NFIB: variants seen among roughly 807,000 people sequenced by gnomAD.
The protein encoded by NFIB is nuclear factor I B.
NFIB carries 11 observed loss-of-function variants against 61.5 expected under a neutral mutation model. The observed-to-expected ratio is 0.18, with a 90% confidence interval of 0.11 to 0.30. The LOEUF is 0.30. Among genes scored for constraint, NFIB ranks in the 10% least tolerant of loss-of-function variants. NFIB has a pLI of 1.00. For missense variants in NFIB, 471 were observed against 608.9 expected, an observed-to-expected ratio of 0.77 and a Z score of 2.38; for synonymous variants, 260 against 216.5, an observed-to-expected ratio of 1.20 and a Z score of -1.76.
chr9:14,163,599 C>T (rs1417180933), intron 3 of NFIB, among the ~76,000 whole-genome samples: 2 of 151,782 alleles, frequency 1.3e-5, no homozygotes, highest in South Asian at 4.1e-4. Flanking sequence ...ACCCCACATG[C>T]ACCAAAAAAT....
At chr9:14,528,956 G>A in the NFIB span, among the ~76,000 whole-genome samples, 1 of 152,094 alleles carries the variant, frequency 6.6e-6, no homozygotes, top group Admixed American at 6.5e-5. Flanking sequence ...ATATAGCCAA[G>A]CAACGGTAAT....
chr9:14,521,221 C>T, the NFIB span, among the ~76,000 whole-genome samples: 1 of 152,154 alleles, frequency 6.6e-6, no homozygotes, highest in Non-Finnish European at 1.5e-5. Context: ...TTTAATATTT[C>T]ACAAATACCA....
chr9:14,188,318 T>C (rs2047597456), intron 2 of NFIB, among the ~76,000 whole-genome samples: 1 of 152,140 alleles, frequency 6.6e-6, no homozygotes, highest in African/African-American at 2.4e-5. Flanking sequence ...TCCAGTTTTC[T>C]ATCTTTAAAA....
intron 3 of NFIB, among the ~76,000 whole-genome samples, chr9:14,157,968 G>A (rs555520039): frequency 2.2e-3 from 327 of 151,762 alleles, no homozygotes; most frequent in African/African-American, 5.3e-3. Context: ...AAAATTAGCC[G>A]GGCATGGTGG....
chr9:14,422,338 T>G, the NFIB span, among the ~76,000 whole-genome samples: 2 of 152,210 alleles, frequency 1.3e-5, no homozygotes, highest in South Asian at 4.1e-4. Flanking sequence ...AGTCCATGAA[T>G]GCTTGTTCTT....
the NFIB span, among the ~76,000 whole-genome samples, chr9:14,472,778 T>C: frequency 6.6e-6 from 1 of 151,886 alleles, no homozygotes; most frequent in Non-Finnish European, 1.5e-5. Context: ...GAGGTGGAGC[T>C]TGCAGTGAGC....
chr9:14,107,279 A>T (rs1189661714), intron 10 of NFIB, among the ~76,000 whole-genome samples: 1 of 151,930 alleles, frequency 6.6e-6, no homozygotes, highest in East Asian at 1.9e-4. Context: ...TGGTCAGAAT[A>T]AAATTGTGTT....
At chr9:14,154,764 A>G (rs975599786) in intron 4 of NFIB, among the ~76,000 whole-genome samples, 3 of 152,184 alleles carry the variant, frequency 2.0e-5, no homozygotes, top group African/African-American at 7.2e-5. Context: ...TATACATGCT[A>G]TTTGCACTGT....
chr9:14,226,169 G>A (rs867792637), intron 2 of NFIB, among the ~76,000 whole-genome samples: 48 of 151,744 alleles, frequency 3.2e-4, no homozygotes, highest in Admixed American at 7.2e-4. Flanking sequence ...ATTGAGATAC[G>A]GATCATCTCC....
At chr9:14,217,860 A>G (rs536340784) in intron 2 of NFIB, among the ~76,000 whole-genome samples, 9 of 152,276 alleles carry the variant, frequency 5.9e-5, no homozygotes, top group African/African-American at 2.2e-4. Flanking sequence ...CTTACAAAAA[A>G]TACTCCTGCC....
intron 2 of NFIB, among the ~76,000 whole-genome samples, chr9:14,191,205 A>G (rs1045079234): frequency 1.3e-5 from 2 of 151,812 alleles, no homozygotes. Flanking sequence ...GTGGGTGCCT[A>G]TAGTCCCAAC....
rs147724341 is a variant in NFIB, at chr9:14,186,022, C to A, written c.563-6242G>T. Among the ~76,000 whole-genome samples the A allele has an allele frequency of 4.2e-3, 647 of 152,276 alleles. 8 individuals carry two copies. Among genetic ancestry groups the A allele is most frequent in the South Asian group, 0.03 (145 of 4,830 alleles). ...ATAAACTTTCTACTCCTAGATGAAA[C>A]TTCTTTTAGGAACTCTTTTTATTCT... On this transcript the variant is annotated intron_variant, in intron 2 of 10. Coordinates refer to ENST00000380953, the MANE Select transcript of NFIB (RefSeq NM_001190737.2).
At chr9:14,458,490 C>CA in the NFIB span, among the ~76,000 whole-genome samples, 1 of 152,154 alleles carries the variant, frequency 6.6e-6, no homozygotes, top group East Asian at 1.9e-4. Context: ...CACTCCTATT[C>CA]AACATAGTGT....
rs1364259751 is a variant in NFIB, at chr9:14,120,676, C to G, written c.1061-52G>C. 6.6e-7 allele frequency: 1 copy of G among 1,507,218 alleles called. No individual in the cohort carries two copies. The highest frequency in any genetic ancestry group is 2.3e-5 in the East Asian group (1 of 43,454). 93.4% of individuals were successfully genotyped at this position (1,507,218 alleles called of 1,614,324 possible). A position where few individuals can be genotyped will look rare whatever the true frequency, so the allele number is the denominator to read the frequency against. On this transcript the variant is annotated intron_variant, in intron 7 of 10. Transcript: ENST00000380953. The surrounding 1 kb of genome is among the most constrained non-coding windows in gnomAD (Gnocchi z 4.4). The stretch of plus-strand genomic sequence containing the variant: ...GACTCATCAGCTGGTTACCTTATTG[C>G]TCCATTCTGATCCTGAAGAATGCTG...
At chr9:14,331,997 C>G (rs1455536006) in intron 1 of NFIB, among the ~76,000 whole-genome samples, 1 of 152,140 alleles carries the variant, frequency 6.6e-6, no homozygotes, top group Admixed American at 6.5e-5. Flanking sequence ...TCTCTGAGTG[C>G]CCCTAGGCCT....
At chr9:14,253,567 C>T (rs561440283) in intron 2 of NFIB, among the ~76,000 whole-genome samples, 2 of 152,266 alleles carry the variant, frequency 1.3e-5, no homozygotes, top group South Asian at 4.1e-4. Context: ...CAGGGGCTCA[C>T]ACCTGTTAGT....
chr9:14,373,508 T>C (rs1250786251), intron 1 of NFIB, among the ~76,000 whole-genome samples: 1 of 152,200 alleles, frequency 6.6e-6, no homozygotes, highest in Non-Finnish European at 1.5e-5. Context: ...TTTAGACTCA[T>C]TGCCAGGTTT....
chr9:14,491,688 TTGAG>T, the NFIB span, among the ~76,000 whole-genome samples: 1 of 152,208 alleles, frequency 6.6e-6, no homozygotes, highest in African/African-American at 2.4e-5. Context: ...TTCTTATCTA[TTGAG>T]TTTTTTCTAC....
chr9:14,220,013 A>G (rs1468786136), intron 2 of NFIB, among the ~76,000 whole-genome samples: 1 of 152,310 alleles, frequency 6.6e-6, no homozygotes, highest in African/African-American at 2.4e-5. Context: ...AGCGCATCAA[A>G]GCAACAGGCC....
Sources: allele counts gnomAD v4.1 joint callset (sites outside exome capture counted in the v4.1 genomes callset), GRCh38; gene constraint gnomAD v4.1.1; non-coding constraint Gnocchi (gnomAD v3.1); transcripts MANE v1.5; gene names NCBI Gene and HGNC (gene_info 2026-07-23, HGNC 2026-07-21).